GPR39: variants seen among roughly 807,000 people sequenced by gnomAD.
GPR39 encodes the protein zinc sensing receptor.
In GPR39, 23 loss-of-function variants were observed where a neutral mutation model predicts 18.4. The observed-to-expected ratio is 1.25, with a 90% CI of 0.90 to 1.77. GPR39 has a LOEUF of 1.77. GPR39 is among the 40% of genes most tolerant of loss of function. The probability of loss-of-function intolerance (pLI) is 0.00; values close to 1 mark genes in which losing one functional copy is unlikely to be tolerated. For synonymous variants in GPR39, 280 were observed against 257.9 expected (o/e 1.09, Z -0.82); for missense variants, 647 against 602.4 (o/e 1.07, Z -0.78).
intron 1 of GPR39, among the ~76,000 whole-genome samples, chr2:132,607,702 C>A (rs1222558070): frequency 6.6e-6 from 1 of 152,196 alleles, no homozygotes; most frequent in African/African-American, 2.4e-5. Flanking sequence ...CAAAGGAGAA[C>A]AATTTCAACA....
chr2:132,580,279 G>A (rs1243683101), intron 1 of GPR39, among the ~76,000 whole-genome samples: 1 of 152,226 alleles, frequency 6.6e-6, no homozygotes, highest in Admixed American at 6.5e-5. Flanking sequence ...TTAAGGGATG[G>A]AGCCAATGAG....
At chr2:132,470,536 T>G (rs1681010055) in intron 1 of GPR39, among the ~76,000 whole-genome samples, 1 of 152,114 alleles carries the variant, frequency 6.6e-6, no homozygotes, top group African/African-American at 2.4e-5. Flanking sequence ...GATTATAAAG[T>G]GCTCTGTTGG....
intron 1 of GPR39, among the ~76,000 whole-genome samples, chr2:132,501,781 G>C (rs1211389179): frequency 1.3e-5 from 2 of 152,084 alleles, no homozygotes; most frequent in African/African-American, 4.8e-5. Flanking sequence ...TATGTATTTA[G>C]AATTGTGATA....
chr2:132,551,384 A>G (rs1680041085), intron 1 of GPR39, among the ~76,000 whole-genome samples: 1 of 152,340 alleles, frequency 6.6e-6, no homozygotes, highest in South Asian at 2.1e-4. Context: ...GATGTCCCTT[A>G]TAGGCTTAGA....
chr2:132,442,346 C>T (rs894998417), intron 1 of GPR39, among the ~76,000 whole-genome samples: 1 of 152,172 alleles, frequency 6.6e-6, no homozygotes, highest in Non-Finnish European at 1.5e-5. Flanking sequence ...AAATTTGCTG[C>T]CTGCCTTAGA....
Position 132,645,577 on chromosome 2 carries a change from G to GAGAA in GPR39, c.1334_1337dup (p.Asn446LysfsTer8). 2 of 1,613,954 alleles carry GAGAA rather than the reference G, an allele frequency of 1.2e-6. No individual in the cohort carries two copies. Among genetic ancestry groups the GAGAA allele is most frequent in the Non-Finnish European group, 1.7e-6 (2 of 1,179,954 alleles). Reference sequence around the variant, plus strand: ...CGCGAAACCAGCCAATTCTGCTGCAGAGAATGGTTTTCAGGAGCATGAAGT... The same window carrying GAGAA: ...CGCGAAACCAGCCAATTCTGCTGCAGAGAAAGAATGGTTTTCAGGAGCATGAAGT... On this transcript the variant is annotated frameshift_variant, in exon 2 of 2. Transcript: ENST00000329321. LOFTEE classifies it high-confidence loss of function.
intron 1 of GPR39, among the ~76,000 whole-genome samples, chr2:132,490,024 A>C (rs966005204): frequency 2.0e-5 from 3 of 151,770 alleles, no homozygotes; most frequent in Admixed American, 1.3e-4. Context: ...GGCATGTGGC[A>C]CCGTGCTTGC....
intron 1 of GPR39, among the ~76,000 whole-genome samples, chr2:132,490,177 G>A (rs1681429581): frequency 6.6e-6 from 1 of 151,938 alleles, no homozygotes. Context: ...AGAGGAGAGA[G>A]AGAAATAGAA....
intron 1 of GPR39, among the ~76,000 whole-genome samples, chr2:132,458,998 A>G (rs1680786154): frequency 6.6e-6 from 1 of 152,154 alleles, no homozygotes; most frequent in Admixed American, 6.6e-5. Flanking sequence ...TGTTGACTGC[A>G]TTTTAGAGCC....
At chr2:132,526,699 C>T (rs920547962) in intron 1 of GPR39, among the ~76,000 whole-genome samples, 7 of 152,102 alleles carry the variant, frequency 4.6e-5, no homozygotes, top group African/African-American at 1.4e-4. Flanking sequence ...TTTCCATGTC[C>T]GTGGTGTGTA....
At chr2:132,424,754 G>T (rs945984076) in intron 1 of GPR39, among the ~76,000 whole-genome samples, 2 of 152,154 alleles carry the variant, frequency 1.3e-5, no homozygotes, top group Admixed American at 1.3e-4. Flanking sequence ...TCCAATTTGG[G>T]TCAAAGTACA....
intron 1 of GPR39, among the ~76,000 whole-genome samples, chr2:132,643,357 G>A (rs757809613): frequency 4.6e-5 from 7 of 152,172 alleles, no homozygotes; most frequent in Non-Finnish European, 7.3e-5. Context: ...AATTAACAAA[G>A]GAGAAGAGTT....
At chr2:132,495,482 C>A (rs976513725) in intron 1 of GPR39, among the ~76,000 whole-genome samples, 1 of 152,154 alleles carries the variant, frequency 6.6e-6, no homozygotes, top group Non-Finnish European at 1.5e-5. Context: ...CTTGGCTGCT[C>A]GACTTGCCCT....
At chr2:132,538,378 G>A (rs1164801924) in intron 1 of GPR39, among the ~76,000 whole-genome samples, 1 of 152,212 alleles carries the variant, frequency 6.6e-6, no homozygotes, top group East Asian at 1.9e-4. Context: ...CACCAGTGGA[G>A]GCTACAGAAA....
In GPR39 at chr2:132,462,864, G is replaced by A. The variant is rs1019044100; in HGVS notation, c.856+44966G>A. Among the ~76,000 whole-genome samples the A allele has an allele frequency of 3.9e-5, 6 of 152,246 alleles. 1 individual carries two copies. The highest frequency in any genetic ancestry group is 3.3e-4 in the Admixed American group (5 of 15,310). ...TAATACAGATAAAGCATTTAGAATA[G>A]CATCTATATATGCTATGTAGGTACA... On this transcript the variant is annotated intron_variant, in intron 1 of 1. Coordinates refer to ENST00000329321, the MANE Select transcript of GPR39 (RefSeq NM_001508.3).
intron 1 of GPR39, among the ~76,000 whole-genome samples, chr2:132,519,745 C>T (rs1055821782): frequency 6.6e-6 from 1 of 152,132 alleles, no homozygotes; most frequent in Non-Finnish European, 1.5e-5. Flanking sequence ...CACACAAGGC[C>T]CTCTGATGAC....
rs114220581 is a variant in GPR39, at chr2:132,440,081, T to C, written c.856+22183T>C. On this transcript the variant is annotated intron_variant, in intron 1 of 1. Transcript: ENST00000329321. Reference sequence around the variant, plus strand: ...AACCCTCCTAACAAAGGTTTGTGGATGGTAGGTGACTCCCTGAAGCTCAGC... The same window carrying C: ...AACCCTCCTAACAAAGGTTTGTGGACGGTAGGTGACTCCCTGAAGCTCAGC... Among the ~76,000 whole-genome samples the C allele has an allele frequency of 7.4e-3, 1,125 of 152,284 alleles. 4 individuals are homozygous for C. Among genetic ancestry groups the C allele is most frequent in the Middle Eastern group, 0.02 (6 of 294 alleles).
At chr2:132,579,713 A>G (rs779793750) in intron 1 of GPR39, among the ~76,000 whole-genome samples, 1 of 151,894 alleles carries the variant, frequency 6.6e-6, no homozygotes, top group Non-Finnish European at 1.5e-5. Context: ...CTTATATTTT[A>G]TTATATATTT....
chr2:132,592,523 C>A (rs930967500), intron 1 of GPR39, among the ~76,000 whole-genome samples: 16 of 152,126 alleles, frequency 1.1e-4, no homozygotes, highest in African/African-American at 2.9e-4. Context: ...GTAAAGACTT[C>A]ATCTTTTTCT....
Sources: allele counts gnomAD v4.1 joint callset (sites outside exome capture counted in the v4.1 genomes callset), GRCh38; gene constraint gnomAD v4.1.1; transcripts MANE v1.5; gene names NCBI Gene and HGNC (gene_info 2026-07-23, HGNC 2026-07-21).